Variants in CD247 observed in about 807,000 individuals in gnomAD.
CD247 encodes T-cell surface glycoprotein CD3 zeta chain.
A neutral mutation model predicts 30.0 loss-of-function variants in CD247; 13 were observed. The observed-to-expected ratio is 0.43, with a 90% confidence interval of 0.28 to 0.69. The LOEUF (loss-of-function observed/expected upper bound fraction) is 0.69, where lower values mean the gene tolerates loss of function less well. CD247 is among the 30% of genes least tolerant of loss of function. CD247 has a pLI of 0.16. For synonymous variants in CD247, 72 were observed against 80.0 expected, an observed-to-expected ratio of 0.90 and a Z score of 0.53; for missense variants, 193 against 212.6, an observed-to-expected ratio of 0.91 and a Z score of 0.57.
intron 1 of CD247, among the ~76,000 whole-genome samples, chr1:167,484,022 G>A (rs10918700): frequency 0.17 from 25,896 of 152,194 alleles, 2,472 homozygotes; most frequent in Admixed American, 0.29. Context: ...CGCTGGTGCC[G>A]TGTGGGAGTC....
At chr1:167,510,945 C>T (rs1481298991) in intron 1 of CD247, among the ~76,000 whole-genome samples, 2 of 152,142 alleles carry the variant, frequency 1.3e-5, no homozygotes, top group Non-Finnish European at 2.9e-5. Context: ...CACTAAGAGT[C>T]TCAGATATTC....
Position 167,431,134 on chromosome 1 carries a change from C to T in CD247, c.*547G>A. ...CGCCCACCTTCCCATGCCCCTGCAGCTCCCTGGTTGCACCTGGCCTAGGCT... is the reference window on the plus strand; with the variant it reads ...CGCCCACCTTCCCATGCCCCTGCAGTTCCCTGGTTGCACCTGGCCTAGGCT... On this transcript the variant is annotated 3_prime_UTR_variant, in exon 8 of 8. Coordinates refer to ENST00000362089, the MANE Select transcript of CD247 (RefSeq NM_198053.3). The T allele has an allele frequency of 2.4e-6, 1 of 424,416 alleles. No individual in the cohort carries two copies. The highest frequency in any genetic ancestry group is 4.2e-6 in the Non-Finnish European group (1 of 240,224). 26.3% of individuals were successfully genotyped at this position (424,416 alleles called of 1,614,324 possible). A position where few individuals can be genotyped will look rare whatever the true frequency, so the allele number is the denominator to read the frequency against.
rs187653031 is a variant in CD247, at chr1:167,498,470, C to G, written c.58+19938G>C. Among the ~76,000 whole-genome samples the G allele has an allele frequency of 8.0e-4, 122 of 152,340 alleles. 1 individual carries two copies. The highest frequency in any genetic ancestry group is 2.7e-3 in the African/African-American group (113 of 41,576). Reference sequence around the variant, plus strand: ...ACAGACAGACATGGCCACTGGCACCCTCCTCCATGGAGATGCCTCAGACAC... The same window carrying G: ...ACAGACAGACATGGCCACTGGCACCGTCCTCCATGGAGATGCCTCAGACAC... On this transcript the variant is annotated intron_variant, in intron 1 of 7. Transcript: ENST00000362089.
intron 2 of CD247, 85 bp from the exon 3 acceptor site, chr1:167,439,485 G>A: frequency 2.5e-6 from 3 of 1,211,674 alleles, no homozygotes; most frequent in East Asian, 2.3e-5. Flanking sequence ...CGACCCGAGG[G>A]ACAGCCCTAC....
At chr1:167,504,968 G>A (rs972180808) in intron 1 of CD247, among the ~76,000 whole-genome samples, 1 of 152,174 alleles carries the variant, frequency 6.6e-6, no homozygotes, top group Admixed American at 6.5e-5. Context: ...ATGAAAACAA[G>A]TAGATTAGAA....
intron 1 of CD247, among the ~76,000 whole-genome samples, chr1:167,473,778 G>A (rs555348671): frequency 6.6e-6 from 1 of 152,210 alleles, no homozygotes; most frequent in African/African-American, 2.4e-5. Context: ...TCACTGTGAA[G>A]GGGAACCCCT....
At position 167,446,721 on chromosome 1, in the gene CD247, C is replaced by T. The variant is rs1026726699; in HGVS notation, c.59-5954G>A. Among the ~76,000 whole-genome samples, 6 of 152,160 alleles carry T rather than the reference C, an allele frequency of 3.9e-5. No individual in the cohort carries two copies. In the South Asian group the frequency reaches 8.3e-4, roughly 21 times the overall value. ...AAAAACAGATAATGGGGGCCAGGCG[C>T]GGTGGCTCACGCCTATAATCCCAGC... is the stretch of plus-strand genomic sequence containing the variant. On this transcript the variant is annotated intron_variant, in intron 1 of 7. Coordinates refer to ENST00000362089, the MANE Select transcript of CD247 (RefSeq NM_198053.3).
At chr1:167,493,967 T>A (rs1447956097) in intron 1 of CD247, among the ~76,000 whole-genome samples, 2 of 152,302 alleles carry the variant, frequency 1.3e-5, no homozygotes, top group East Asian at 3.9e-4. Flanking sequence ...CTCTCACCAT[T>A]GCAGAATCTG....
intron 1 of CD247, among the ~76,000 whole-genome samples, chr1:167,449,255 C>A (rs905418389): frequency 6.8e-6 from 1 of 147,418 alleles, no homozygotes; most frequent in African/African-American, 2.5e-5. Context: ...CAGGTTCAAG[C>A]GATTCTCCTG....
chr1:167,462,520 C>A (rs567533916), intron 1 of CD247, among the ~76,000 whole-genome samples: 222 of 152,372 alleles, frequency 1.5e-3, no homozygotes, highest in Non-Finnish European at 1.6e-3. Flanking sequence ...TGTGTGTAAA[C>A]AAGTGTATCT....
intron 1 of CD247, among the ~76,000 whole-genome samples, chr1:167,512,787 G>C (rs935537578): frequency 1.1e-4 from 16 of 152,214 alleles, no homozygotes; most frequent in Admixed American, 9.8e-4. Context: ...ATCTCACAGA[G>C]GAAGAACAGG....
intron 1 of CD247, among the ~76,000 whole-genome samples, chr1:167,450,297 A>T (rs1229651379): frequency 2.0e-5 from 3 of 152,176 alleles, no homozygotes; most frequent in African/African-American, 7.2e-5. Context: ...GGAGTTAGAG[A>T]CCAGCCTGGG....
At chr1:167,434,777 T>C (rs1651448243) in intron 5 of CD247, 1 of 455,082 alleles carries the variant, frequency 2.2e-6, no homozygotes, top group African/African-American at 2.0e-5. Context: ...TCGGCACTTT[T>C]CAGCTAAGGA....
intron 1 of CD247, among the ~76,000 whole-genome samples, chr1:167,492,772 G>A (rs1163655861): frequency 6.6e-6 from 1 of 152,150 alleles, no homozygotes; most frequent in Non-Finnish European, 1.5e-5. Context: ...TGGGAGGAAG[G>A]CTGAGCCCAT....
chr1:167,433,212 G>T (rs1651361810), intron 6 of CD247, among the ~76,000 whole-genome samples, 153 bp from the exon 7 acceptor site: 1 of 152,180 alleles, frequency 6.6e-6, no homozygotes, highest in African/African-American at 2.4e-5. Context: ...GGATCCTCAG[G>T]CCCCTGGTCA....
At chr1:167,479,218 T>C (rs1280621621) in intron 1 of CD247, among the ~76,000 whole-genome samples, 1 of 152,194 alleles carries the variant, frequency 6.6e-6, no homozygotes, top group Non-Finnish European at 1.5e-5. Context: ...GGGAAACAGG[T>C]GGCACTGGTT....
chr1:167,448,021 C>A (rs539026430), intron 1 of CD247, among the ~76,000 whole-genome samples: 1 of 152,166 alleles, frequency 6.6e-6, no homozygotes, highest in East Asian at 1.9e-4. Flanking sequence ...TGATGCCGAC[C>A]CATTGACCAC....
chr1:167,500,981 G>A (rs922998003), intron 1 of CD247, among the ~76,000 whole-genome samples: 1 of 151,718 alleles, frequency 6.6e-6, no homozygotes, highest in Non-Finnish European at 1.5e-5. Context: ...TTCAAACAGA[G>A]ATGGAAAACT....
intron 1 of CD247, among the ~76,000 whole-genome samples, chr1:167,512,218 A>G (rs1400437365): frequency 6.6e-6 from 1 of 152,060 alleles, no homozygotes; most frequent in Non-Finnish European, 1.5e-5. Context: ...GCCCCCAATA[A>G]ATCTGCAGCC....
Sources: gnomAD v4.1 joint callset for allele counts (sites outside exome capture counted in the v4.1 genomes callset) on GRCh38, gnomAD v4.1.1 for gene constraint, MANE v1.5 for transcripts, NCBI Gene and HGNC (gene_info 2026-07-23, HGNC 2026-07-21) for gene names.